Variants in DNAH11 observed in about 807,000 individuals in gnomAD.
DNAH11 encodes dynein axonemal heavy chain 11, also known as axonemal beta dynein heavy chain 11.
In DNAH11, 442 loss-of-function variants were observed where a neutral mutation model predicts 526.0. That is an observed-to-expected ratio of 0.84 (90% CI 0.78 to 0.91). The LOEUF (loss-of-function observed/expected upper bound fraction) is 0.91. Among genes scored for constraint, DNAH11 ranks in the 40% least tolerant of loss-of-function variants. The probability of loss-of-function intolerance (pLI) is 0.00; values close to 1 mark genes in which losing one functional copy is unlikely to be tolerated. For synonymous variants in DNAH11, 2,461 were observed against 1,935.9 expected (o/e 1.27, Z -7.12); for missense variants, 6,989 against 5,448.7 (o/e 1.28, Z -8.90).
intron 63 of DNAH11, among the ~76,000 whole-genome samples, chr7:21,816,101 G>A (rs962561431): frequency 6.6e-6 from 1 of 152,112 alleles, no homozygotes; most frequent in Non-Finnish European, 1.5e-5. Flanking sequence ...CATTGCTTAT[G>A]TGGGGGTGGG....
intron 36 of DNAH11, among the ~76,000 whole-genome samples, chr7:21,698,920 A>G (rs1415072101): frequency 6.6e-6 from 1 of 152,156 alleles, no homozygotes; most frequent in Non-Finnish European, 1.5e-5. Context: ...TATATTTTCT[A>G]TAAAATTCGA....
chr7:21,781,094 T>A (rs950585205), intron 57 of DNAH11, among the ~76,000 whole-genome samples: 20 of 152,222 alleles, frequency 1.3e-4, no homozygotes, highest in African/African-American at 4.8e-4. Flanking sequence ...GTGTTCACAT[T>A]TGTCATATGT....
chr7:21,698,187 C>T lies in DNAH11; in HGVS notation c.6154C>T (p.Leu2052Phe), dbSNP rs1725389196. The T allele has an allele frequency of 6.2e-7, 1 of 1,613,536 alleles. No homozygotes were observed. Among genetic ancestry groups the T allele is most frequent in the Admixed American group, 1.7e-5 (1 of 59,954 alleles). The change falls in exon 36 of 82, where the codon CTT becomes TTT. Residue 2052 changes from leucine to phenylalanine, a missense_variant. Leu to Phe is a conservative substitution (Grantham distance 22). Coordinates refer to ENST00000409508, the MANE Select transcript of DNAH11 (RefSeq NM_001277115.2). ...CCGAAAGTTCATTACGTTGTACACG[C>T]TTTGCAAGGAGCTTCTCTCCAAGCA... ...LARKFITLYT[L>F]CKELLSKQDH...
chr7:21,619,656 G>T (rs963518172), intron 24 of DNAH11, among the ~76,000 whole-genome samples: 2 of 152,120 alleles, frequency 1.3e-5, no homozygotes, highest in Non-Finnish European at 2.9e-5. Context: ...TGGCTAATTT[G>T]TAAATAGTAT....
At chr7:21,893,305 C>T (rs959457603) in intron 77 of DNAH11, among the ~76,000 whole-genome samples, 8 of 152,314 alleles carry the variant, frequency 5.3e-5, no homozygotes, top group East Asian at 1.9e-4. Context: ...ACCAGCAGTG[C>T]GTGTGAGTTC....
chr7:21,899,889 G>A, intron 80 of DNAH11, 91 bp from the exon 81 acceptor site: 1 of 1,483,688 alleles, frequency 6.7e-7, no homozygotes. Flanking sequence ...AACACCCTAT[G>A]GGACTAAAGG....
rs1191466340 is a variant in DNAH11 at position 21,899,401 on chromosome 7, C to T, written c.13115C>T (p.Ala4372Val). 5.0e-6 allele frequency: 8 copies of T among 1,614,020 alleles called. No homozygotes were observed. Among genetic ancestry groups the T allele is most frequent in the Non-Finnish European group, 5.9e-6 (7 of 1,179,856 alleles). The change falls in exon 80 of 82, where the codon GCT becomes GTT. Residue 4372 changes from alanine to valine, a missense_variant. Physicochemically the swap from Ala to Val is moderately conservative, Grantham distance 64. Coordinates refer to ENST00000409508, the MANE Select transcript of DNAH11 (RefSeq NM_001277115.2). ...TGGACACAAGACCTTACCCTTCCGG[C>T]TGTCGTGTGGCTCTCCGGCTTCTTC... ...DTWTQDLTLP[A>V]VVWLSGFFNP...
At chr7:21,796,115 G>A (rs1788705979) in intron 61 of DNAH11, among the ~76,000 whole-genome samples, 1 of 152,164 alleles carries the variant, frequency 6.6e-6, no homozygotes, top group African/African-American at 2.4e-5. Flanking sequence ...TGTCCTATAG[G>A]CCAGAATATA....
chr7:21,803,947 C>T (rs1278224976), intron 62 of DNAH11, among the ~76,000 whole-genome samples: 1 of 152,154 alleles, frequency 6.6e-6, no homozygotes, highest in Non-Finnish European at 1.5e-5. Context: ...TCATCATTGG[C>T]TTAGCAAGCC....
At chr7:21,627,026 G>T (rs1470377840) in intron 25 of DNAH11, among the ~76,000 whole-genome samples, 1 of 152,032 alleles carries the variant, frequency 6.6e-6, no homozygotes, top group African/African-American at 2.4e-5. Context: ...GGGATTACAG[G>T]CATAATCCAC....
intron 42 of DNAH11, among the ~76,000 whole-genome samples, chr7:21,715,155 C>T (rs916615436): frequency 2.0e-5 from 3 of 152,226 alleles, no homozygotes; most frequent in African/African-American, 4.8e-5. Flanking sequence ...TGACAGAGAA[C>T]TTGAAGCTTG....
rs1387177141 is a variant in DNAH11, at chr7:21,849,931, G to T, written c.10897-2536G>T. Among the ~76,000 whole-genome samples the T allele has an allele frequency of 3.4e-5, 5 of 145,482 alleles. No individual in the cohort carries two copies. The East Asian group carries it at 9.9e-4, about 29-fold the overall frequency. On this transcript the variant is annotated intron_variant, in intron 66 of 81. Coordinates refer to ENST00000409508, the MANE Select transcript of DNAH11 (RefSeq NM_001277115.2). Reference sequence around the variant, plus strand: ...GCTCATTTTTTTCTTTTTTCTCCTTGTAAGCATCTCACAGTTCTTGGATAT... The same window carrying T: ...GCTCATTTTTTTCTTTTTTCTCCTTTTAAGCATCTCACAGTTCTTGGATAT...
At chr7:21,583,256 G>C (rs887882304) in intron 9 of DNAH11, among the ~76,000 whole-genome samples, 1 of 152,022 alleles carries the variant, frequency 6.6e-6, no homozygotes, top group Non-Finnish European at 1.5e-5. Context: ...CAATGGAACA[G>C]AACAGAGGCC....
intron 6 of DNAH11, among the ~76,000 whole-genome samples, chr7:21,566,523 A>T (rs1783672050): frequency 1.3e-5 from 2 of 152,072 alleles, no homozygotes; most frequent in African/African-American, 4.8e-5. Flanking sequence ...GAGCTTTTCC[A>T]AGCCCTTTAC....
Position 21,901,394 on chromosome 7 carries a change from G to A in DNAH11, c.*140G>A. 1 of 1,208,798 alleles carries A rather than the reference G, an allele frequency of 8.3e-7. No individual in the cohort carries two copies. Among genetic ancestry groups the A allele is most frequent in the Non-Finnish European group, 1.1e-6 (1 of 931,732 alleles). 74.9% of individuals were successfully genotyped at this position (1,208,798 alleles called of 1,614,324 possible). Reference sequence around the variant, plus strand: ...CTTTTTTCAACGCTATCCTTAGAGTGAAAGTCAGAAAAAAATACTAGAAAC... The same window carrying A: ...CTTTTTTCAACGCTATCCTTAGAGTAAAAGTCAGAAAAAAATACTAGAAAC... On this transcript the variant is annotated 3_prime_UTR_variant, in exon 82 of 82. Coordinates refer to ENST00000409508, the MANE Select transcript of DNAH11 (RefSeq NM_001277115.2).
At position 21,570,213 on chromosome 7, in the gene DNAH11, G is replaced by A. The variant is rs1410439008; in HGVS notation, c.1339G>A (p.Gly447Arg). 4.3e-6 allele frequency: 7 copies of A among 1,613,246 alleles called. No homozygotes were observed. The highest frequency in any genetic ancestry group is 5.9e-6 in the Non-Finnish European group (7 of 1,179,698). ...YRKKLASYFM[G>R]RKLRPWDFQS... ...AAAAAAATTGGCAAGCTACTTTATG[G>A]GAAGAAAGCTGAGACCATGGGATTT... Residue 447 changes from glycine to arginine, a missense_variant, in exon 7 of 82, where the codon GGA (glycine) becomes AGA (arginine). Transcript: ENST00000409508.
intron 36 of DNAH11, among the ~76,000 whole-genome samples, chr7:21,701,067 GTGCACATTC>G (rs1338995872): frequency 6.6e-6 from 1 of 151,982 alleles, no homozygotes; most frequent in Non-Finnish European, 1.5e-5. Context: ...TGTAACAAAT[GTGCACATTC>G]TGCACATGTG....
rs570285847 is a variant in DNAH11, at chr7:21,613,563, TGAA to T, written c.3853-1548_3853-1546del. 1.3e-3 allele frequency among the ~76,000 whole-genome samples: 199 copies of T among 152,314 alleles called. No homozygotes were observed. The Middle Eastern group carries it at 0.037, about 29-fold the overall frequency. ...ATACTCTTCTTTACATAGTAGGAAA[TGAA>T]GAGACAGAGTTGGGGTTGGGGAGAT... On this transcript the variant is annotated intron_variant, in intron 20 of 81. Transcript: ENST00000409508.
At chr7:21,825,279 T>A (rs79133650) in intron 65 of DNAH11, among the ~76,000 whole-genome samples, 5,123 of 152,310 alleles carry the variant, frequency 0.034, 167 homozygotes, top group East Asian at 0.16. Context: ...TGAGTGATGC[T>A]GCTATGAATA....
Sources: allele counts gnomAD v4.1 joint callset (sites outside exome capture counted in the v4.1 genomes callset), GRCh38; gene constraint gnomAD v4.1.1; transcripts MANE v1.5; gene names NCBI Gene and HGNC (gene_info 2026-07-23, HGNC 2026-07-21).